CRYBG3: variants seen among roughly 807,000 people sequenced by gnomAD.
CRYBG3 encodes the protein crystallin beta-gamma domain containing 3.
A neutral mutation model predicts 244.2 loss-of-function variants in CRYBG3; 127 were observed. The ratio of observed to expected loss-of-function variants is 0.52; its 90% CI spans 0.45 to 0.60. CRYBG3 has a LOEUF of 0.60. CRYBG3 is among the 20% of genes least tolerant of loss of function. The pLI is 0.00. For missense variants in CRYBG3, 3,325 were observed against 3,442.5 expected (o/e 0.97, Z 0.85); for synonymous variants, 1,132 against 1,195.8 (o/e 0.95, Z 1.10).
chr3:97,839,335 A>C (rs1226892798), intron 1 of CRYBG3, among the ~76,000 whole-genome samples: 1 of 152,026 alleles, frequency 6.6e-6, no homozygotes, highest in Non-Finnish European at 1.5e-5. Context: ...TATTTGTACT[A>C]AGCAAACATC....
In CRYBG3 at chr3:97,829,871, G is replaced by A. The variant is rs570344809; in HGVS notation, c.149+7516G>A. Among the ~76,000 whole-genome samples, 6 of 152,240 alleles carry A rather than the reference G, an allele frequency of 3.9e-5. No individual in the cohort carries two copies. In the South Asian group the frequency reaches 1.2e-3, roughly 32 times the overall value. On this transcript the variant is annotated intron_variant, in intron 1 of 21. Transcript: ENST00000389622. ...AGGTAACATGTAGGGGACTGTAGGAGCATTTAACAGATGTGAGCCCATTTT... is the reference window on the plus strand; with the variant it reads ...AGGTAACATGTAGGGGACTGTAGGAACATTTAACAGATGTGAGCCCATTTT...
At chr3:97,942,474 C>A in intron 21 of CRYBG3, 31 bp downstream of exon 21, 1 of 1,559,382 alleles carries the variant, frequency 6.4e-7, no homozygotes. Context: ...AATGTTGTGT[C>A]CCTGGATATT....
At chr3:97,923,776 C>G (rs183007237) in intron 17 of CRYBG3, among the ~76,000 whole-genome samples, 1 of 151,658 alleles carries the variant, frequency 6.6e-6, no homozygotes, top group African/African-American at 2.4e-5. Context: ...AGTTTTTTTC[C>G]TAGGAATTTT....
intron 17 of CRYBG3, among the ~76,000 whole-genome samples, chr3:97,922,810 C>T (rs1379579687): frequency 4.6e-5 from 7 of 152,178 alleles, no homozygotes; most frequent in African/African-American, 1.7e-4. Flanking sequence ...ACTAGAAATA[C>T]CATTTGACCC....
intron 15 of CRYBG3, among the ~76,000 whole-genome samples, chr3:97,903,611 T>A (rs538874703): frequency 3.5e-4 from 54 of 152,282 alleles, no homozygotes; most frequent in Middle Eastern, 3.4e-3. Flanking sequence ...ACTATTTTAG[T>A]ATTGGAGTAA....
Position 97,822,048 on chromosome 3 carries a change from C to G in CRYBG3, c.-159C>G. 1 of 502,612 alleles carries G rather than the reference C, an allele frequency of 2.0e-6. No individual in the cohort carries two copies. The highest frequency in any genetic ancestry group is 3.5e-5 in the East Asian group (1 of 28,314). 31.1% of individuals were successfully genotyped at this position (502,612 alleles called of 1,614,324 possible). A position where few individuals can be genotyped will look rare whatever the true frequency, so the allele number is the denominator to read the frequency against. ...TGCCGCGCGAGGAGCGCGTCGCGTC[C>G]GCACTTCTCCTGCCCGAGAGAGACT... On this transcript the variant is annotated 5_prime_UTR_variant, in exon 1 of 22. Coordinates refer to ENST00000389622, the MANE Select transcript of CRYBG3 (RefSeq NM_153605.4).
intron 2 of CRYBG3, among the ~76,000 whole-genome samples, chr3:97,853,851 C>CGT (rs2039025384): frequency 6.6e-6 from 1 of 151,760 alleles, no homozygotes; most frequent in South Asian, 2.1e-4. Context: ...CATTTTTTCA[C>CGT]GTTTTTGTTA....
rs373507975 is a variant in CRYBG3 at position 97,900,483 on chromosome 3, T to G, written c.8002T>G (p.Leu2668Val). ...ACTTGGGATAAATGAACCTCCGCAT[T>G]TGGTATGTTTAAAAATATTCTTGTA... ...EPLGINEPPH[L>V]LKAFSKPGFQ... Residue 2668 changes from leucine (L) to valine (V), a missense_variant and splice_region_variant, in exon 15 of 22, where the codon TTG (leucine) becomes GTG (valine). Leu to Val is a conservative substitution (Grantham distance 32, BLOSUM62 1). Around this residue, in one of 4 missense-constraint regions of CRYBG3, gnomAD observed 714 missense variants for 803.6 expected, o/e 0.89. Coordinates refer to ENST00000389622, the MANE Select transcript of CRYBG3 (RefSeq NM_153605.4). 1.1e-5 allele frequency: 17 copies of G among 1,544,106 alleles called. No homozygotes were observed. The highest frequency in any genetic ancestry group is 1.7e-4 in the Middle Eastern group (1 of 5,924).
In CRYBG3 at chr3:97,900,455, A is replaced by G. The variant is rs2039694010; in HGVS notation, c.7974A>G (p.Glu2658=). 1.3e-6 allele frequency: 2 copies of G among 1,551,492 alleles called. No individual in the cohort carries two copies. The highest frequency in any genetic ancestry group is 2.7e-5 in the African/African-American group (2 of 73,700). Residue 2658 remains glutamate, a splice_region_variant and synonymous_variant, in exon 15 of 22, where the codon GAA becomes GAG. Coordinates refer to ENST00000389622, the MANE Select transcript of CRYBG3 (RefSeq NM_153605.4). ...AAATGTTTTAATATGTTTTTCAGGA[A>G]CCACTTGGGATAAATGAACCTCCGC... is the stretch of plus-strand genomic sequence containing the variant. ...IIMSIRPIQL[E]PLGINEPPHL...
In CRYBG3 at chr3:97,899,194, G is replaced by A. The variant is rs1247258872; in HGVS notation, c.7902G>A (p.Gly2634=). Residue 2634 remains glycine, a synonymous_variant, in exon 14 of 22, where the codon GGG becomes GGA. Coordinates refer to ENST00000389622, the MANE Select transcript of CRYBG3 (RefSeq NM_153605.4). ...FCGEQYILEK[G]KYKCFFDWGG... ...GAGAACAATACATTTTAGAAAAAGG[G>A]AAATACAAATGCTTTTTTGACTGGG... The A allele has an allele frequency of 6.2e-6, 10 of 1,613,638 alleles. No homozygotes were observed. Among genetic ancestry groups the A allele is most frequent in the Non-Finnish European group, 8.5e-6 (10 of 1,179,750 alleles).
At chr3:97,921,269 T>C (rs560078959) in intron 17 of CRYBG3, among the ~76,000 whole-genome samples, 1 of 152,176 alleles carries the variant, frequency 6.6e-6, no homozygotes, top group African/African-American at 2.4e-5. Context: ...TAATATTCTT[T>C]CTCTGCATCT....
chr3:97,862,645 A>G lies in CRYBG3; in HGVS notation c.217-1572A>G, dbSNP rs150737304. Among the ~76,000 whole-genome samples, 3 of 152,274 alleles carry G rather than the reference A, an allele frequency of 2.0e-5. No homozygotes were observed. The East Asian group carries it at 5.8e-4, about 29-fold the overall frequency. ...CTGAGAGGTTGTTTATGCTGTTTAT[A>G]TGAGGAGAGGGCACAGGTGACTTAT... On this transcript the variant is annotated intron_variant, in intron 2 of 21. Coordinates refer to ENST00000389622, the MANE Select transcript of CRYBG3 (RefSeq NM_153605.4).
In CRYBG3 at chr3:97,874,904, G is replaced by A; in HGVS notation, c.3710G>A (p.Gly1237Asp). 6.5e-7 allele frequency: 1 copy of A among 1,535,246 alleles called. No individual in the cohort carries two copies. The highest frequency in any genetic ancestry group is 8.7e-7 in the Non-Finnish European group (1 of 1,146,624). Residue 1237 changes from glycine (G) to aspartate (D), a missense_variant, in exon 4 of 22, where the codon GGT (glycine) becomes GAT (aspartate). This residue lies in a region of CRYBG3 where 1,526 missense variants were observed against 1,443.2 expected (regional missense o/e 1.06). Transcript: ENST00000389622. ...HIAIEGIMNL[G>D]TLKEDISEKN... ...GCCATAGAAGGTATAATGAATCTGGGTACCCTGAAAGAAGACATCTCTGAG... is the reference window on the plus strand; with the variant it reads ...GCCATAGAAGGTATAATGAATCTGGATACCCTGAAAGAAGACATCTCTGAG...
Position 97,910,882 on chromosome 3 carries a change from A to T in CRYBG3, c.8005-1285A>T, listed in dbSNP as rs74437243. Among the ~76,000 whole-genome samples the T allele has an allele frequency of 1.1e-4, 17 of 152,338 alleles. No individual in the cohort carries two copies. In the East Asian group the frequency reaches 3.3e-3, roughly 29 times the overall value. ...CTCACATTTTATACATCTTTAAGTT[A>T]AAAAACCTAAGTATGTCTTGGTTTG... On this transcript the variant is annotated intron_variant, in intron 15 of 21. Transcript: ENST00000389622.
intron 11 of CRYBG3, among the ~76,000 whole-genome samples, chr3:97,893,748 C>T (rs2039607906): frequency 6.6e-6 from 1 of 152,184 alleles, no homozygotes; most frequent in South Asian, 2.1e-4. Flanking sequence ...GTATCAGTAT[C>T]TCTTGGTATT....
rs915831198 is a variant in CRYBG3, at chr3:97,873,451, C to T, written c.2257C>T (p.Pro753Ser). The change falls in exon 4 of 22, where the codon CCT becomes TCT. Residue 753 changes from proline (P) to serine (S), a missense_variant. Coordinates refer to ENST00000389622, the MANE Select transcript of CRYBG3 (RefSeq NM_153605.4). ...TCTTCCAGGTTCTGAAGCCAGTGGCCCTCACTTAACTGGGTTGGAGCTATT... is the reference window on the plus strand; with the variant it reads ...TCTTCCAGGTTCTGAAGCCAGTGGCTCTCACTTAACTGGGTTGGAGCTATT... ...QVLPGSEASG[P>S]HLTGLELLSF... 1.3e-6 allele frequency: 2 copies of T among 1,535,186 alleles called. No homozygotes were observed. The highest frequency in any genetic ancestry group is 8.7e-7 in the Non-Finnish European group (1 of 1,146,644).
intron 17 of CRYBG3, among the ~76,000 whole-genome samples, chr3:97,920,126 T>C (rs1193416595): frequency 6.6e-6 from 1 of 152,178 alleles, no homozygotes; most frequent in Non-Finnish European, 1.5e-5. Flanking sequence ...TTGCTGAAGA[T>C]GCATTTTATA....
chr3:97,936,986 A>G, intron 19 of CRYBG3, 78 bp downstream of exon 19: 1 of 1,493,834 alleles, frequency 6.7e-7, no homozygotes, highest in South Asian at 1.2e-5. Flanking sequence ...CATCTGAAAT[A>G]ATGATCATTT....
chr3:97,871,783 G>GATT, intron 3 of CRYBG3, 59 bp from the exon 4 acceptor site: 1 of 1,214,624 alleles, frequency 8.2e-7, no homozygotes, highest in African/African-American at 1.5e-5. Flanking sequence ...CAGTTGCTGG[G>GATT]ATTAGTATTA....
Sources: gnomAD v4.1 joint callset for allele counts (sites outside exome capture counted in the v4.1 genomes callset) on GRCh38, gnomAD v4.1.1 for gene constraint, gnomAD v4.1.1 regional missense constraint, MANE v1.5 for transcripts, NCBI Gene and HGNC (gene_info 2026-07-23, HGNC 2026-07-21) for gene names.